LIN9: variants seen among roughly 807,000 people sequenced by gnomAD.
The protein encoded by LIN9 is protein lin-9 homolog.
Under a neutral mutation model 78.0 loss-of-function variants are expected in LIN9, and 18 were observed. The observed-to-expected ratio is 0.23, with a 90% confidence interval of 0.16 to 0.34. The LOEUF is 0.34. LIN9 is among the 10% of genes least tolerant of loss of function. The pLI is 1.00. For missense variants in LIN9, 451 were observed against 644.1 expected, an observed-to-expected ratio of 0.70 and a Z score of 3.25; for synonymous variants, 192 against 215.2, an observed-to-expected ratio of 0.89 and a Z score of 0.94.
intron 11 of LIN9, among the ~76,000 whole-genome samples, chr1:226,247,103 C>G (rs1289579922): frequency 6.6e-6 from 1 of 152,012 alleles, no homozygotes; most frequent in African/African-American, 2.4e-5. Flanking sequence ...TACTAGCTCT[C>G]TCTTTAGCTG....
chr1:226,300,555 A>T (rs1662465734), intron 2 of LIN9, among the ~76,000 whole-genome samples: 1 of 152,102 alleles, frequency 6.6e-6, no homozygotes, highest in South Asian at 2.1e-4. Flanking sequence ...TGTCTCAAAA[A>T]ATAAATAAAC....
chr1:226,264,616 TG>T (rs1178030837), intron 10 of LIN9, among the ~76,000 whole-genome samples: 1 of 152,008 alleles, frequency 6.6e-6, no homozygotes, highest in Non-Finnish European at 1.5e-5. Context: ...GAGGCCAAGG[TG>T]GGGGGATCAC....
chr1:226,305,972 A>G (rs1188512331), intron 1 of LIN9, among the ~76,000 whole-genome samples: 1 of 152,170 alleles, frequency 6.6e-6, no homozygotes, highest in East Asian at 1.9e-4. Flanking sequence ...TAGAATTGAT[A>G]GATATTTAGA....
intron 10 of LIN9, among the ~76,000 whole-genome samples, chr1:226,259,550 A>G (rs1659426923): frequency 6.6e-6 from 1 of 152,230 alleles, no homozygotes; most frequent in African/African-American, 2.4e-5. Context: ...CTGGGCCACA[A>G]AACATACCTT....
chr1:226,270,824 CAA>C (rs764106581), intron 7 of LIN9, among the ~76,000 whole-genome samples: 1,166 of 21,894 alleles, frequency 0.053, 5 homozygotes, highest in African/African-American at 0.12. Flanking sequence ...GACTCTGTCT[CAA>C]AAAAAAAAAA....
intron 10 of LIN9, 116 bp from the exon 11 acceptor site, chr1:226,251,035 C>G (rs1658800629): frequency 1.7e-6 from 1 of 573,032 alleles, no homozygotes; most frequent in Non-Finnish European, 3.1e-6. Context: ...AGTGTTTCAA[C>G]ATATATATAT....
chr1:226,283,412 C>CT (rs1661195769), intron 6 of LIN9, among the ~76,000 whole-genome samples: 1 of 149,440 alleles, frequency 6.7e-6, no homozygotes, highest in Non-Finnish European at 1.5e-5. Context: ...AGGTGTGAGC[C>CT]ACCACACCCA....
At chr1:226,286,608 A>G (rs927674496) in intron 5 of LIN9, 150 bp from the exon 6 acceptor site, 4 of 593,906 alleles carry the variant, frequency 6.7e-6, no homozygotes, top group Non-Finnish European at 1.1e-5. Flanking sequence ...AATCCTTGGC[A>G]TTTGTGAAAC....
chr1:226,237,817 G>C (rs1290738147), intron 12 of LIN9, among the ~76,000 whole-genome samples: 1 of 150,632 alleles, frequency 6.6e-6, no homozygotes, highest in Non-Finnish European at 1.5e-5. Flanking sequence ...GCCGGGCATG[G>C]TGGTGCACAG....
intron 4 of LIN9, among the ~76,000 whole-genome samples, chr1:226,290,615 C>T (rs989670674): frequency 2.0e-5 from 3 of 152,100 alleles, no homozygotes; most frequent in African/African-American, 4.8e-5. Flanking sequence ...GCTGGGATTA[C>T]AGGCGTAAGC....
At chr1:226,292,221 C>T (rs1388032475) in intron 4 of LIN9, among the ~76,000 whole-genome samples, 2 of 151,454 alleles carry the variant, frequency 1.3e-5, no homozygotes, top group Non-Finnish European at 2.9e-5. Flanking sequence ...AGTGTAGTGG[C>T]GCAATTTCGG....
At chr1:226,261,327 A>G (rs1235069214) in intron 10 of LIN9, among the ~76,000 whole-genome samples, 1 of 152,108 alleles carries the variant, frequency 6.6e-6, no homozygotes, top group Non-Finnish European at 1.5e-5. Context: ...TAGAATTGGG[A>G]AGGAAAAAAA....
rs1038151875 is a variant in LIN9, at chr1:226,273,860, C to T, written c.682+3915G>A. Among the ~76,000 whole-genome samples, 4 of 143,834 alleles carry T rather than the reference C, an allele frequency of 2.8e-5. No homozygotes were observed. In the East Asian group the frequency reaches 6.2e-4, roughly 22 times the overall value. The allele number at this position is 143,834 out of a possible 152,430, so 94.4% of individuals were successfully genotyped here. ...TTTTTTTTTTTTTTTTTCTTTGAGA[C>T]GGAGTCTCACTCTGTCACCCAGGCT... On this transcript the variant is annotated intron_variant, in intron 7 of 14. Coordinates refer to ENST00000681046, the MANE Select transcript of LIN9 (RefSeq NM_001366245.2).
At chr1:226,246,864 T>C (rs1044817758) in intron 11 of LIN9, among the ~76,000 whole-genome samples, 2 of 151,884 alleles carry the variant, frequency 1.3e-5, no homozygotes, top group South Asian at 2.1e-4. Context: ...TTGGGGTTGA[T>C]AGGAATTTAT....
intron 12 of LIN9, among the ~76,000 whole-genome samples, chr1:226,238,659 A>G (rs536582617): frequency 6.6e-6 from 1 of 152,172 alleles, no homozygotes; most frequent in Non-Finnish European, 1.5e-5. Context: ...AAAGAAGAAG[A>G]AAAAACAATG....
At chr1:226,241,514 C>T (rs892593892) in intron 11 of LIN9, among the ~76,000 whole-genome samples, 4 of 152,140 alleles carry the variant, frequency 2.6e-5, no homozygotes, top group Admixed American at 2.6e-4. Flanking sequence ...TTTACATATA[C>T]AGTATACATC....
In LIN9 at chr1:226,233,395, T is replaced by C. The variant is rs761270731; in HGVS notation, c.1374A>G (p.Glu458=). Residue 458 remains glutamate, a synonymous_variant, in exon 13 of 15, where the codon GAA becomes GAG. Transcript: ENST00000681046. ...SSTGQPCVEN[E]NLTDLISRLT... ...GCCTGGAAATTAAGTCTGTCAGATT[T>C]TCATTTTCAACGCAGGGCTGTCCTG... The C allele has an allele frequency of 5.0e-6, 8 of 1,613,702 alleles. No individual in the cohort carries two copies. In the Admixed American group the frequency reaches 5.0e-5, roughly 10 times the overall value.
intron 6 of LIN9, 118 bp from the exon 7 acceptor site, chr1:226,278,050 T>A: frequency 1.3e-6 from 1 of 767,028 alleles, no homozygotes; most frequent in Non-Finnish European, 2.0e-6. Context: ...TGGAGTGCAG[T>A]GGCACAATCT....
At chr1:226,282,819 T>TCAAAAAA (rs1032037949) in intron 6 of LIN9, among the ~76,000 whole-genome samples, 5 of 152,062 alleles carry the variant, frequency 3.3e-5, no homozygotes, top group Admixed American at 3.3e-4. Flanking sequence ...AGACTCTGTC[T>TCAAAAAA]CAAAAAACAA....
Sources: allele counts gnomAD v4.1 joint callset (sites outside exome capture counted in the v4.1 genomes callset), GRCh38; gene constraint gnomAD v4.1.1; transcripts MANE v1.5; gene names NCBI Gene and HGNC (gene_info 2026-07-23, HGNC 2026-07-21).